The following FRMD5 variants were observed in gnomAD, a reference collection of about 807,000 sequenced individuals.
The protein encoded by FRMD5 is FERM domain-containing protein 5.
Under a neutral mutation model 69.0 loss-of-function variants are expected in FRMD5, and 20 were observed. That is an observed-to-expected ratio of 0.29 (90% CI 0.20 to 0.42). The LOEUF is 0.42. Among genes scored for constraint, FRMD5 ranks in the 10% least tolerant of loss-of-function variants. The pLI is 1.00. For synonymous variants in FRMD5, 271 were observed against 260.1 expected (o/e 1.04, Z -0.40); for missense variants, 595 against 708.6 (o/e 0.84, Z 1.82).
chr15:44,050,192 T>C (rs963234486), intron 1 of FRMD5, among the ~76,000 whole-genome samples: 1 of 152,316 alleles, frequency 6.6e-6, no homozygotes, highest in Non-Finnish European at 1.5e-5. Flanking sequence ...TCAGCTATTC[T>C]AGTTTCCATA....
chr15:44,096,221 A>AG (rs1263922017), intron 1 of FRMD5, among the ~76,000 whole-genome samples: 3 of 151,118 alleles, frequency 2.0e-5, no homozygotes, highest in African/African-American at 7.3e-5. Context: ...AAAAAAAAAA[A>AG]AAAAAAAAGA....
chr15:44,041,163 C>A (rs1269728195), intron 1 of FRMD5, among the ~76,000 whole-genome samples: 1 of 151,886 alleles, frequency 6.6e-6, no homozygotes, highest in Non-Finnish European at 1.5e-5. Flanking sequence ...CCTAAATATA[C>A]ATGTACCCAA....
rs370752718 is a variant in FRMD5, at chr15:44,167,416, A to G, written c.102+27537T>C. ...CAGAGAACATTACTGATTGTGGTTC[A>G]GGAAGGAGAGTGTAGTAACAAATAC... is the stretch of plus-strand genomic sequence containing the variant. On this transcript the variant is annotated intron_variant, in intron 1 of 13. Transcript: ENST00000417257. 2.6e-5 allele frequency among the ~76,000 whole-genome samples: 4 copies of G among 152,180 alleles called. No individual in the cohort carries two copies. In the East Asian group the frequency reaches 5.8e-4, roughly 22 times the overall value.
chr15:44,100,996 A>G (rs2076630755), intron 1 of FRMD5, among the ~76,000 whole-genome samples: 2 of 151,998 alleles, frequency 1.3e-5, no homozygotes, highest in Non-Finnish European at 2.9e-5. Context: ...TAAAAATACA[A>G]AAATTAGCCG....
intron 1 of FRMD5, among the ~76,000 whole-genome samples, chr15:44,037,126 T>A (rs1281710939): frequency 1.3e-5 from 2 of 152,126 alleles, no homozygotes; most frequent in African/African-American, 4.8e-5. Context: ...CCTAATGCTA[T>A]CCCTCCCCTA....
intron 13 of FRMD5, among the ~76,000 whole-genome samples, chr15:43,881,610 T>G (rs537013236): frequency 6.6e-6 from 1 of 152,322 alleles, no homozygotes; most frequent in South Asian, 2.1e-4. Flanking sequence ...TGATCAGAAC[T>G]CTGCACTGTG....
At chr15:43,888,091 T>C in intron 10 of FRMD5, 84 bp downstream of exon 10, 1 of 1,068,288 alleles carries the variant, frequency 9.4e-7, no homozygotes, top group Admixed American at 2.0e-5. Flanking sequence ...CCGCCCCAAG[T>C]TCCTGGGCAC....
upstream of FRMD5, among the ~76,000 whole-genome samples, chr15:44,199,380 T>C (rs576239523): frequency 6.6e-6 from 1 of 152,266 alleles, no homozygotes; most frequent in Admixed American, 6.5e-5. Flanking sequence ...TAGCTTCCCC[T>C]CTCCAGCAAG....
chr15:43,936,564 T>A (rs1469065818), intron 1 of FRMD5, among the ~76,000 whole-genome samples: 1 of 152,030 alleles, frequency 6.6e-6, no homozygotes, highest in African/African-American at 2.4e-5. Context: ...CCTTCCTGAG[T>A]CTTCAACTCC....
intron 5 of FRMD5, among the ~76,000 whole-genome samples, chr15:43,909,422 CAA>C (rs1194644496): frequency 1.3e-5 from 2 of 149,752 alleles, no homozygotes; most frequent in Non-Finnish European, 3.0e-5. Flanking sequence ...ACAAAACAAA[CAA>C]AAAAAACTCT....
At chr15:44,095,187 G>A (rs1407573880) in intron 1 of FRMD5, among the ~76,000 whole-genome samples, 9 of 151,808 alleles carry the variant, frequency 5.9e-5, no homozygotes, top group African/African-American at 1.9e-4. Flanking sequence ...AGCACCTCCA[G>A]GGGATTCACA....
chr15:44,083,128 C>A (rs1459763451), intron 1 of FRMD5, among the ~76,000 whole-genome samples: 1 of 151,894 alleles, frequency 6.6e-6, no homozygotes, highest in Non-Finnish European at 1.5e-5. Context: ...ACCTTTGGAC[C>A]TCAGTGGTCA....
At chr15:43,925,973 T>C (rs1207670516) in intron 1 of FRMD5, among the ~76,000 whole-genome samples, 3 of 152,250 alleles carry the variant, frequency 2.0e-5, no homozygotes, top group Non-Finnish European at 4.4e-5. Flanking sequence ...TGTTTAGTTA[T>C]CTATTTACTA....
chr15:44,134,853 T>C (rs2077158615), intron 1 of FRMD5, among the ~76,000 whole-genome samples: 2 of 152,136 alleles, frequency 1.3e-5, no homozygotes, highest in South Asian at 4.1e-4. Context: ...AGAAAGACCC[T>C]GCAAGCTGAG....
chr15:44,139,463 T>C (rs2077234611), intron 1 of FRMD5, among the ~76,000 whole-genome samples: 2 of 151,976 alleles, frequency 1.3e-5, no homozygotes, highest in Non-Finnish European at 2.9e-5. Context: ...TTATGAGACA[T>C]GTCTAAGCCA....
At chr15:44,018,585 T>A (rs1476418913) in intron 1 of FRMD5, among the ~76,000 whole-genome samples, 4 of 152,220 alleles carry the variant, frequency 2.6e-5, no homozygotes, top group African/African-American at 9.6e-5. Context: ...TAATTCTCAG[T>A]CCACAGGCAC....
At chr15:44,095,268 CTG>C (rs2076535310) in intron 1 of FRMD5, among the ~76,000 whole-genome samples, 1 of 151,434 alleles carries the variant, frequency 6.6e-6, no homozygotes, top group Non-Finnish European at 1.5e-5. Context: ...AGTGGTACAA[CTG>C]TGGTTCACTG....
intron 13 of FRMD5, among the ~76,000 whole-genome samples, chr15:43,878,260 G>GA (rs567304930): frequency 1.9e-4 from 28 of 148,852 alleles, no homozygotes; most frequent in Non-Finnish European, 3.0e-4. Context: ...ATGTTGATGA[G>GA]AAAAAAAAAA....
intron 1 of FRMD5, among the ~76,000 whole-genome samples, chr15:43,970,367 C>T (rs532476089): frequency 6.6e-6 from 1 of 152,348 alleles, no homozygotes; most frequent in Non-Finnish European, 1.5e-5. Context: ...GTTGAAAGCA[C>T]TGCATCAAAT....
Sources: allele counts gnomAD v4.1 joint callset (sites outside exome capture counted in the v4.1 genomes callset), GRCh38; gene constraint gnomAD v4.1.1; transcripts MANE v1.5; gene names NCBI Gene and HGNC (gene_info 2026-07-23, HGNC 2026-07-21).